The following ACMSD variants were observed in gnomAD, a reference collection of about 807,000 sequenced individuals.
The protein encoded by ACMSD is 2-amino-3-carboxymuconate-6-semialdehyde decarboxylase.
Under a neutral mutation model 45.9 loss-of-function variants are expected in ACMSD, and 37 were observed. That is an observed-to-expected ratio of 0.81 (90% CI 0.62 to 1.06). The LOEUF is 1.06. Among genes scored for constraint, ACMSD ranks in the 50% least tolerant of loss-of-function variants. The pLI, the probability that ACMSD is intolerant of heterozygous loss-of-function variation, is 0.00. For synonymous variants in ACMSD, 138 were observed against 148.8 expected (o/e 0.93, Z 0.53); for missense variants, 434 against 420.9 (o/e 1.03, Z -0.27).
intron 8 of ACMSD, among the ~76,000 whole-genome samples, chr2:134,888,698 T>C (rs763224622): frequency 5.3e-5 from 8 of 152,016 alleles, no homozygotes; most frequent in Admixed American, 4.6e-4. Context: ...CACTACAACA[T>C]AGATAACTCT....
At chr2:134,877,036 G>C (rs1688773176) in intron 8 of ACMSD, among the ~76,000 whole-genome samples, 1 of 152,164 alleles carries the variant, frequency 6.6e-6, no homozygotes, top group Non-Finnish European at 1.5e-5. Context: ...GCCTCCCTAA[G>C]TGCTGTGATT....
At chr2:134,856,365 G>A (rs998908397) in intron 2 of ACMSD, among the ~76,000 whole-genome samples, 8 of 152,176 alleles carry the variant, frequency 5.3e-5, no homozygotes, top group African/African-American at 1.7e-4. Context: ...GAGGCCCAAC[G>A]TAGATGCCAC....
chr2:134,901,726 T>C, intron 9 of ACMSD, 72 bp from the exon 10 acceptor site: 4 of 1,100,306 alleles, frequency 3.6e-6, no homozygotes, highest in Non-Finnish European at 5.1e-6. Context: ...TTTTTAAACC[T>C]GATCAATGTA....
intron 8 of ACMSD, among the ~76,000 whole-genome samples, chr2:134,885,344 T>A (rs1460901415): frequency 2.9e-5 from 3 of 105,242 alleles, no homozygotes; most frequent in African/African-American, 4.0e-5. Context: ...TATATATTTA[T>A]ATATAATATA....
Position 134,859,368 on chromosome 2 carries a change from A to C in ACMSD, c.199+11A>C. The C allele has an allele frequency of 1.9e-6, 3 of 1,612,042 alleles. No homozygotes were observed. The highest frequency in any genetic ancestry group is 2.5e-6 in the Non-Finnish European group (3 of 1,178,252). On this transcript the variant is annotated intron_variant, in intron 3 of 9. Transcript: ENST00000356140. ...AAATGGACCAAAAAGGTACGATGAGAAGTGCTACCAATGTTAGCATCTGAT... is the reference window on the plus strand; with the variant it reads ...AAATGGACCAAAAAGGTACGATGAGCAGTGCTACCAATGTTAGCATCTGAT...
chr2:134,889,708 T>A, intron 8 of ACMSD, among the ~76,000 whole-genome samples: 1 of 152,252 alleles, frequency 6.6e-6, no homozygotes, highest in Admixed American at 6.5e-5. Flanking sequence ...ATATAGGATT[T>A]GAGCATCTGA....
chr2:134,879,501 T>C (rs922799449), intron 8 of ACMSD, among the ~76,000 whole-genome samples: 1 of 152,238 alleles, frequency 6.6e-6, no homozygotes, highest in Non-Finnish European at 1.5e-5. Flanking sequence ...TACATGCTGC[T>C]GCATCACAAA....
chr2:134,871,676 C>T (rs1207665885), intron 7 of ACMSD, among the ~76,000 whole-genome samples: 2 of 145,932 alleles, frequency 1.4e-5, no homozygotes, highest in East Asian at 2.1e-4. Flanking sequence ...GACCCTTCAA[C>T]AGACAGACAC....
intron 1 of ACMSD, among the ~76,000 whole-genome samples, chr2:134,840,110 T>G (rs1211666184): frequency 7.7e-6 from 1 of 129,332 alleles, no homozygotes; most frequent in East Asian, 2.4e-4. Flanking sequence ...CTGAGAGTTT[T>G]AGAAAAATCC....
intron 4 of ACMSD, chr2:134,863,188 T>C (rs1463948021): frequency 1.9e-6 from 1 of 523,924 alleles, no homozygotes; most frequent in Non-Finnish European, 2.4e-6. Flanking sequence ...GAATCAGCAA[T>C]ATACCTGCAG....
chr2:134,847,855 C>CTT (rs113677848), intron 2 of ACMSD, among the ~76,000 whole-genome samples: 13 of 141,954 alleles, frequency 9.2e-5, no homozygotes, highest in Middle Eastern at 3.5e-3. Context: ...TCTTCTTTTT[C>CTT]TTTTTTTTTT....
In ACMSD at chr2:134,863,455, G is replaced by T; in HGVS notation, c.310G>T (p.Val104Phe). The T allele has an allele frequency of 6.2e-7, 1 of 1,614,220 alleles. No individual in the cohort carries two copies. The highest frequency in any genetic ancestry group is 8.5e-7 in the Non-Finnish European group (1 of 1,180,042). The part of the protein sequence containing the change: ...QLLNNDLAST[V>F]VSYPRRFVGL... Reference sequence around the variant, plus strand: ...TTTAAACAACGACCTTGCCAGCACCGTTGTGAGCTACCCCAGGAGGTTCGT... The same window carrying T: ...TTTAAACAACGACCTTGCCAGCACCTTTGTGAGCTACCCCAGGAGGTTCGT... Residue 104 changes from valine (V) to phenylalanine (F), a missense_variant, in exon 5 of 10, where the codon GTT (valine) becomes TTT (phenylalanine). By Grantham distance (50) the Val-to-Phe change is conservative. Coordinates refer to ENST00000356140, the MANE Select transcript of ACMSD (RefSeq NM_138326.3).
chr2:134,879,146 G>A (rs918618556), intron 8 of ACMSD, among the ~76,000 whole-genome samples: 4 of 152,190 alleles, frequency 2.6e-5, no homozygotes, highest in Non-Finnish European at 4.4e-5. Context: ...AGGAGAGGCT[G>A]GAAATATTCA....
intron 1 of ACMSD, among the ~76,000 whole-genome samples, chr2:134,844,077 C>T (rs1686939403): frequency 6.6e-6 from 1 of 152,164 alleles, no homozygotes; most frequent in Admixed American, 6.5e-5. Context: ...GATGGGACTC[C>T]ATGAAAGCGT....
At chr2:134,860,378 A>G (rs1205100154) in intron 3 of ACMSD, among the ~76,000 whole-genome samples, 1 of 152,184 alleles carries the variant, frequency 6.6e-6, no homozygotes, top group African/African-American at 2.4e-5. Flanking sequence ...ATGCTCCAAG[A>G]AAATGCCTGA....
intron 2 of ACMSD, 33 bp downstream of exon 2, chr2:134,845,310 C>A (rs775064454): frequency 6.2e-7 from 1 of 1,613,664 alleles, no homozygotes; most frequent in Admixed American, 1.7e-5. Flanking sequence ...ACATCAGTAG[C>A]ACTCAGGGAG....
chr2:134,875,009 T>C (rs1368363600), intron 8 of ACMSD, among the ~76,000 whole-genome samples: 2 of 152,144 alleles, frequency 1.3e-5, no homozygotes, highest in Non-Finnish European at 2.9e-5. Flanking sequence ...GGGATAACAG[T>C]TGGGAAAGTG....
chr2:134,892,404 T>C (rs1689841456), intron 8 of ACMSD, among the ~76,000 whole-genome samples: 1 of 151,972 alleles, frequency 6.6e-6, no homozygotes, highest in Non-Finnish European at 1.5e-5. Flanking sequence ...AACTTGAAGC[T>C]AGAGAGGCTC....
intron 5 of ACMSD, 119 bp downstream of exon 5, chr2:134,863,750 A>C: frequency 9.8e-7 from 1 of 1,017,994 alleles, no homozygotes; most frequent in Non-Finnish European, 1.5e-6. Flanking sequence ...AGCGGTGTCC[A>C]CGACTTGTTT....
Sources: allele counts gnomAD v4.1 joint callset (sites outside exome capture counted in the v4.1 genomes callset), GRCh38; gene constraint gnomAD v4.1.1; transcripts MANE v1.5; gene names NCBI Gene and HGNC (gene_info 2026-07-23, HGNC 2026-07-21).